The following DCC variants were observed in gnomAD, a reference collection of about 807,000 sequenced individuals.
DCC encodes netrin receptor DCC.
A neutral mutation model predicts 172.5 loss-of-function variants in DCC; 58 were observed. That is an observed-to-expected ratio of 0.34 (90% CI 0.27 to 0.42). DCC has a LOEUF of 0.42. DCC is among the 10% of genes least tolerant of loss of function. The probability of loss-of-function intolerance (pLI) is 1.00; values close to 1 mark genes in which losing one functional copy is unlikely to be tolerated. For missense variants in DCC, 1,740 were observed against 1,791.0 expected (o/e 0.97, Z 0.51); for synonymous variants, 709 against 644.5 (o/e 1.10, Z -1.52).
intron 2 of DCC, among the ~76,000 whole-genome samples, chr18:52,854,238 T>C (rs1193224542): frequency 1.3e-5 from 2 of 152,226 alleles, no homozygotes; most frequent in African/African-American, 4.8e-5. Flanking sequence ...GAAGGCAAAG[T>C]ATAACCTCTC....
intron 4 of DCC, among the ~76,000 whole-genome samples, chr18:52,924,649 A>C (rs138631726): frequency 3.6e-4 from 55 of 152,192 alleles, no homozygotes; most frequent in Non-Finnish European, 6.6e-4. Flanking sequence ...ATTTTTATAG[A>C]GAAGGTAAGT....
At chr18:53,059,929 G>T (rs966545764) in intron 5 of DCC, among the ~76,000 whole-genome samples, 4 of 151,996 alleles carry the variant, frequency 2.6e-5, no homozygotes, top group African/African-American at 9.7e-5. Context: ...CTTAGCCCTT[G>T]TCTTTATGAT....
At chr18:53,017,813 C>G (rs746936453) in intron 5 of DCC, among the ~76,000 whole-genome samples, 3 of 152,100 alleles carry the variant, frequency 2.0e-5, no homozygotes, top group Non-Finnish European at 2.9e-5. Context: ...GTAGTATTTT[C>G]TTTTTATACA....
intron 1 of DCC, among the ~76,000 whole-genome samples, chr18:52,620,219 T>C (rs2034454069): frequency 6.6e-6 from 1 of 152,206 alleles, no homozygotes; most frequent in Admixed American, 6.5e-5. Flanking sequence ...TCTCAAACAA[T>C]TTCTCTCCTT....
At chr18:52,811,207 TC>T (rs1298736943) in intron 2 of DCC, among the ~76,000 whole-genome samples, 2 of 152,196 alleles carry the variant, frequency 1.3e-5, no homozygotes, top group African/African-American at 4.8e-5. Context: ...TGGCAAATTG[TC>T]ATTATCGTCT....
At chr18:53,114,432 A>C (rs921706237) in intron 7 of DCC, among the ~76,000 whole-genome samples, 1 of 151,672 alleles carries the variant, frequency 6.6e-6, no homozygotes, top group Non-Finnish European at 1.5e-5. Flanking sequence ...CACATAAAAA[A>C]GTAATAGAGT....
chr18:53,215,105 G>A (rs1412418282), intron 11 of DCC, among the ~76,000 whole-genome samples: 1 of 152,022 alleles, frequency 6.6e-6, no homozygotes, highest in Non-Finnish European at 1.5e-5. Flanking sequence ...TGCATTACAG[G>A]GATTAAGAAA....
chr18:53,387,050 G>T (rs1019326331), intron 16 of DCC, among the ~76,000 whole-genome samples: 1 of 152,264 alleles, frequency 6.6e-6, no homozygotes, highest in Non-Finnish European at 1.5e-5. Context: ...GTCAGATATT[G>T]TCCCCTTAAC....
chr18:52,852,436 C>T (rs1452562100), intron 2 of DCC, among the ~76,000 whole-genome samples: 6 of 151,770 alleles, frequency 4.0e-5, no homozygotes, highest in Non-Finnish European at 8.8e-5. Context: ...AAGAGTAACA[C>T]GATTTTGAAA....
chr18:52,569,919 T>C (rs1311894395), intron 1 of DCC, among the ~76,000 whole-genome samples: 1 of 152,174 alleles, frequency 6.6e-6, no homozygotes, highest in African/African-American at 2.4e-5. Context: ...CAAAATAAGT[T>C]AGAGAATACC....
intron 1 of DCC, among the ~76,000 whole-genome samples, chr18:52,610,666 G>C (rs558215720): frequency 1.2e-4 from 19 of 152,180 alleles, no homozygotes; most frequent in African/African-American, 4.3e-4. Context: ...TTTCGGCTTT[G>C]TGAGTCATGC....
chr18:52,896,927 A>T lies in DCC; in HGVS notation c.413-9117A>T, dbSNP rs148279127. ...TTATAAAATTCATTCCCTCAGAGAC[A>T]GTATCCTTTCCTAATTATACAATGG... On this transcript the variant is annotated intron_variant, in intron 2 of 28. Coordinates refer to ENST00000442544, the MANE Select transcript of DCC (RefSeq NM_005215.4). 3.1e-3 allele frequency among the ~76,000 whole-genome samples: 477 copies of T among 152,282 alleles called. 8 individuals are homozygous for T. Among genetic ancestry groups the T allele is most frequent in the Admixed American group, 0.027 (420 of 15,292 alleles).
chr18:53,073,582 T>A (rs1182252466), intron 7 of DCC, among the ~76,000 whole-genome samples: 1 of 152,160 alleles, frequency 6.6e-6, no homozygotes, highest in South Asian at 2.1e-4. Context: ...GTTTTATTTT[T>A]TTCCCTCTAA....
At chr18:53,281,143 T>C (rs1440739160) in intron 12 of DCC, among the ~76,000 whole-genome samples, 1 of 152,174 alleles carries the variant, frequency 6.6e-6, no homozygotes, top group East Asian at 1.9e-4. Context: ...CAATGTAGTA[T>C]GTGAGCATTA....
At chr18:52,538,348 C>T (rs2032343881) in intron 1 of DCC, among the ~76,000 whole-genome samples, 1 of 152,150 alleles carries the variant, frequency 6.6e-6, no homozygotes, top group African/African-American at 2.4e-5. Context: ...CTCCTCCAAC[C>T]CACTGCAATT....
intron 7 of DCC, among the ~76,000 whole-genome samples, chr18:53,102,781 G>A (rs2043192428): frequency 6.6e-6 from 1 of 151,960 alleles, no homozygotes; most frequent in South Asian, 2.1e-4. Flanking sequence ...GTGCTGTAGG[G>A]TCTTCTTCAG....
At chr18:53,432,132 ATACTT>A (rs540575930) in intron 21 of DCC, among the ~76,000 whole-genome samples, 243 of 152,320 alleles carry the variant, frequency 1.6e-3, no homozygotes, top group African/African-American at 5.0e-3. Flanking sequence ...TTTGATAAGA[ATACTT>A]TAATAATAAT....
chr18:53,408,743 C>G (rs1186896222), intron 19 of DCC, among the ~76,000 whole-genome samples: 3 of 152,070 alleles, frequency 2.0e-5, no homozygotes, highest in Non-Finnish European at 4.4e-5. Context: ...TGTACCTATC[C>G]TTCAGGTAAC....
At chr18:53,132,230 A>G (rs766521175) in intron 7 of DCC, among the ~76,000 whole-genome samples, 1 of 152,044 alleles carries the variant, frequency 6.6e-6, no homozygotes, top group Non-Finnish European at 1.5e-5. Context: ...TGCTGATAAG[A>G]AAAACATCCC....
Sources: allele counts gnomAD v4.1 joint callset (sites outside exome capture counted in the v4.1 genomes callset), GRCh38; gene constraint gnomAD v4.1.1; transcripts MANE v1.5; gene names NCBI Gene and HGNC (gene_info 2026-07-23, HGNC 2026-07-21).